Variants in TRPM3 observed in about 807,000 individuals in gnomAD.
The protein encoded by TRPM3 is transient receptor potential cation channel subfamily M member 3.
TRPM3 carries 77 observed loss-of-function variants against 181.2 expected under a neutral mutation model. That is an observed-to-expected ratio of 0.42 (90% CI 0.35 to 0.51). The LOEUF (loss-of-function observed/expected upper bound fraction) is 0.51, where lower values mean the gene tolerates loss of function less well. Among genes scored for constraint, TRPM3 ranks in the 20% least tolerant of loss-of-function variants. The pLI is 0.01. For missense variants in TRPM3, 1,759 were observed against 2,196.7 expected (o/e 0.80, Z 3.98); for synonymous variants, 745 against 796.4 (o/e 0.94, Z 1.09).
At chr9:70,904,211 A>T (rs952516533) in intron 1 of TRPM3, among the ~76,000 whole-genome samples, 1 of 152,180 alleles carries the variant, frequency 6.6e-6, no homozygotes, top group Non-Finnish European at 1.5e-5. Flanking sequence ...TGACAGAGTG[A>T]GACCCTGTCT....
intron 1 of TRPM3, among the ~76,000 whole-genome samples, chr9:71,399,521 C>CTTTTTTTTTTTTTTTTTTT (rs1415739241): frequency 8.4e-5 from 9 of 107,520 alleles, no homozygotes; most frequent in Non-Finnish European, 1.2e-4. Context: ...CTTATATTTT[C>CTTTTTTTTTTTTTTTTTTT]TTTTGTTTTT....
chr9:71,153,870 T>G (rs2075858033), intron 1 of TRPM3, among the ~76,000 whole-genome samples: 1 of 152,148 alleles, frequency 6.6e-6, no homozygotes, highest in African/African-American at 2.4e-5. Flanking sequence ...ATCTTCCTTT[T>G]TTTCCTTTAA....
Position 71,410,940 on chromosome 9 carries a change from A to G in TRPM3, c.183+35713T>C, listed in dbSNP as rs188536746. ...GGCTTCATCCCTGGGATGCAAGGCT[A>G]GTTCAACATATGAAAATCAATAAAC... On this transcript the variant is annotated intron_variant, in intron 1 of 24. Coordinates refer to the TRPM3 transcript ENST00000357533. Among the ~76,000 whole-genome samples, 117 of 152,314 alleles carry G rather than the reference A, an allele frequency of 7.7e-4. 1 individual carries two copies. The highest frequency in any genetic ancestry group is 2.6e-3 in the African/African-American group (110 of 41,576).
At chr9:71,189,121 G>A (rs1449256576) in intron 1 of TRPM3, among the ~76,000 whole-genome samples, 3 of 151,704 alleles carry the variant, frequency 2.0e-5, no homozygotes, top group African/African-American at 7.3e-5. Flanking sequence ...GCCTCTCTAT[G>A]ATGTTTAGAA....
At chr9:70,666,065 T>C (rs993288026) in intron 9 of TRPM3, among the ~76,000 whole-genome samples, 5 of 152,224 alleles carry the variant, frequency 3.3e-5, no homozygotes, top group Admixed American at 3.3e-4. Flanking sequence ...TTTCTGCTAG[T>C]TGGTCTTTGA....
intron 1 of TRPM3, among the ~76,000 whole-genome samples, chr9:71,282,349 GAAAGAAAGAA>G (rs1168744176): frequency 8.0e-5 from 8 of 99,662 alleles, no homozygotes; most frequent in Admixed American, 2.8e-4. Flanking sequence ...AGAAAGAAAA[GAAAGAAAGAA>G]AAAGAAAGAA....
At chr9:71,348,136 C>G (rs963368288) in intron 1 of TRPM3, among the ~76,000 whole-genome samples, 20 of 152,084 alleles carry the variant, frequency 1.3e-4, no homozygotes, top group African/African-American at 4.8e-4. Flanking sequence ...TATTTTTGCC[C>G]TATTGAGAAT....
At chr9:71,033,036 G>A (rs2057730213) in intron 1 of TRPM3, among the ~76,000 whole-genome samples, 1 of 152,090 alleles carries the variant, frequency 6.6e-6, no homozygotes, top group Non-Finnish European at 1.5e-5. Flanking sequence ...GACTCTTTTG[G>A]CACCTATCTG....
intron 5 of TRPM3, among the ~76,000 whole-genome samples, chr9:70,841,749 C>T (rs78718726): frequency 0.028 from 4,189 of 147,294 alleles, 84 homozygotes; most frequent in Middle Eastern, 0.06. Flanking sequence ...GGGATACTGG[C>T]CAGTCATAAC....
intron 8 of TRPM3, among the ~76,000 whole-genome samples, chr9:70,744,618 G>A (rs149163034): frequency 6.6e-6 from 1 of 152,106 alleles, no homozygotes; most frequent in African/African-American, 2.4e-5. Context: ...TCACGTCAAT[G>A]AATATTTTGT....
intron 1 of TRPM3, among the ~76,000 whole-genome samples, chr9:71,193,649 T>C (rs1242087095): frequency 6.6e-6 from 1 of 151,966 alleles, no homozygotes; most frequent in Non-Finnish European, 1.5e-5. Flanking sequence ...TCAAACTCTG[T>C]AAGTCCAAAA....
chr9:71,006,870 C>CA (rs35386368), intron 1 of TRPM3, among the ~76,000 whole-genome samples: 1,224 of 97,124 alleles, frequency 0.013, 67 homozygotes, highest in African/African-American at 0.043. Context: ...GACTCCGTCT[C>CA]AAAAAAAAAA....
intron 3 of TRPM3, among the ~76,000 whole-genome samples, chr9:70,851,942 A>G (rs1487167557): frequency 6.6e-6 from 1 of 151,776 alleles, no homozygotes; most frequent in African/African-American, 2.4e-5. Context: ...ACATGGTGAA[A>G]CCCCATCTCT....
rs1457896780 is a variant in TRPM3 at position 70,891,120 on chromosome 9, T to C, written c.178-26609A>G. Among the ~76,000 whole-genome samples the C allele has an allele frequency of 2.0e-5, 3 of 152,126 alleles. No homozygotes were observed. The East Asian group carries it at 5.8e-4, about 29-fold the overall frequency. On this transcript the variant is annotated intron_variant, in intron 1 of 25. Coordinates refer to ENST00000677713, the MANE Select transcript of TRPM3 (RefSeq NM_001366145.2). Reference sequence around the variant, plus strand: ...CACCAACATGGTACATGTATACATATGTAACAAACCTGCACGTTGTGCACA... The same window carrying C: ...CACCAACATGGTACATGTATACATACGTAACAAACCTGCACGTTGTGCACA...
At chr9:71,409,273 G>A (rs756465128) in intron 1 of TRPM3, among the ~76,000 whole-genome samples, 3 of 152,134 alleles carry the variant, frequency 2.0e-5, no homozygotes, top group Non-Finnish European at 4.4e-5. Context: ...AACCTTAAAT[G>A]TAAATGGGCT....
At chr9:71,409,904 C>T (rs1164395535) in intron 1 of TRPM3, among the ~76,000 whole-genome samples, 1 of 152,174 alleles carries the variant, frequency 6.6e-6, no homozygotes, top group Non-Finnish European at 1.5e-5. Flanking sequence ...TCATAACAAA[C>T]TGTGCCTCAG....
At chr9:70,778,713 C>T (rs1434685450) in intron 7 of TRPM3, among the ~76,000 whole-genome samples, 3 of 152,132 alleles carry the variant, frequency 2.0e-5, no homozygotes, top group Non-Finnish European at 2.9e-5. Context: ...ATGTCTAAAT[C>T]ATGCTGGAAT....
rs1249584567 is a variant in TRPM3 at position 71,347,338 on chromosome 9, T to TC, written c.183+99314dup. 9.2e-5 allele frequency among the ~76,000 whole-genome samples: 14 copies of TC among 152,296 alleles called. No homozygotes were observed. The South Asian group carries it at 2.1e-3, about 23-fold the overall frequency. On this transcript the variant is annotated intron_variant, in intron 1 of 24. Coordinates refer to the TRPM3 transcript ENST00000357533. The stretch of plus-strand genomic sequence containing the variant: ...GTACCCTCATAAGCATCTGCAGTTT[T>TC]CCCCCGCAAAGAGTTGAGGTTTTCT...
Position 71,055,254 on chromosome 9 carries a change from G to A in TRPM3, c.177+65924C>T, listed in dbSNP as rs192964743. ...GAGAGCAAATCAAGTCAGGGAGACT[G>A]GTTATAAAAATAATAATGTGGGTAA... On this transcript the variant is annotated intron_variant, in intron 1 of 25. Coordinates refer to ENST00000677713, the MANE Select transcript of TRPM3 (RefSeq NM_001366145.2). 1.2e-4 allele frequency among the ~76,000 whole-genome samples: 19 copies of A among 152,082 alleles called. No individual in the cohort carries two copies. The East Asian group carries it at 3.3e-3, about 26-fold the overall frequency.
Sources: gnomAD v4.1 joint callset for allele counts (sites outside exome capture counted in the v4.1 genomes callset) on GRCh38, gnomAD v4.1.1 for gene constraint, MANE v1.5 for transcripts, NCBI Gene and HGNC (gene_info 2026-07-23, HGNC 2026-07-21) for gene names.